The following CDH6 variants were observed in gnomAD, a reference collection of about 807,000 sequenced individuals.
CDH6 encodes the protein cadherin-6.
Under a neutral mutation model 78.0 loss-of-function variants are expected in CDH6, and 31 were observed. The ratio of observed to expected loss-of-function variants is 0.40; its 90% CI spans 0.30 to 0.54. The LOEUF (loss-of-function observed/expected upper bound fraction) is 0.54. CDH6 is among the 20% of genes least tolerant of loss of function. The pLI is 0.56. For synonymous variants in CDH6, 376 were observed against 368.8 expected (o/e 1.02, Z -0.23); for missense variants, 724 against 975.9 (o/e 0.74, Z 3.44).
rs1333659931 is a variant in CDH6, at chr5:31,326,902, G to A, written c.*3594G>A. The A allele has an allele frequency of 2.5e-5, 4 of 158,404 alleles. No individual in the cohort carries two copies. The highest frequency in any genetic ancestry group is 9.6e-5 in the African/African-American group (4 of 41,514). The allele number at this position is 158,404 out of a possible 1,614,324, so 9.8% of individuals were successfully genotyped here. A position where few individuals can be genotyped will look rare whatever the true frequency, so the allele number is the denominator to read the frequency against. Reference sequence around the variant, plus strand: ...GTGGAGACAGGGTTTCACCATGTTAGCCAGGATGATCTCCATCTCCTGACC... The same window carrying A: ...GTGGAGACAGGGTTTCACCATGTTAACCAGGATGATCTCCATCTCCTGACC... On this transcript the variant is annotated 3_prime_UTR_variant, in exon 12 of 12. Transcript: ENST00000265071.
rs73758997 is a variant in CDH6 at position 31,325,470 on chromosome 5, A to G, written c.*2162A>G. On this transcript the variant is annotated 3_prime_UTR_variant, in exon 12 of 12. Transcript: ENST00000265071. ...AGTTAGAAGCTACTTACTCATAGCA[A>G]TAGAACAGCACCTTAATCACACGAT... 5.7e-3 allele frequency: 1,319 copies of G among 231,696 alleles called. 31 individuals are homozygous for G. Among genetic ancestry groups the G allele is most frequent in the African/African-American group, 0.027 (1,222 of 45,378 alleles). 14.4% of individuals were successfully genotyped at this position (231,696 alleles called of 1,614,324 possible).
chr5:31,218,002 T>C (rs548053831), intron 1 of CDH6, among the ~76,000 whole-genome samples: 1 of 152,314 alleles, frequency 6.6e-6, no homozygotes, highest in Non-Finnish European at 1.5e-5. Flanking sequence ...GAAATAGAGA[T>C]GGCATTTGTT....
In CDH6 at chr5:31,322,840, T is replaced by C. The variant is rs1164278802; in HGVS notation, c.1905T>C (p.Ala635=). 8.7e-6 allele frequency: 14 copies of C among 1,613,752 alleles called. No homozygotes were observed. The highest frequency in any genetic ancestry group is 1.1e-5 in the Non-Finnish European group (13 of 1,179,836). The change falls in exon 12 of 12, where the codon GCT becomes GCC. Residue 635 remains alanine (A), a synonymous_variant. Coordinates refer to ENST00000265071, the MANE Select transcript of CDH6 (RefSeq NM_004932.4). ...CAGTGACAGTGGTGCTGTTTGCAGCTCTGAGGCGGCAGCGAAAAAAAGAGC... is the reference window on the plus strand; with the variant it reads ...CAGTGACAGTGGTGCTGTTTGCAGCCCTGAGGCGGCAGCGAAAAAAAGAGC... ...ILLVTVVLFA[A]LRRQRKKEPL... is the part of the protein sequence containing the mutation.
intron 11 of CDH6, among the ~76,000 whole-genome samples, chr5:31,321,097 T>G (rs1334007831): frequency 6.6e-6 from 1 of 152,174 alleles, no homozygotes; most frequent in African/African-American, 2.4e-5. Context: ...ACTTATCACC[T>G]TCTAACAATT....
chr5:31,273,403 C>A (rs1007145223), intron 2 of CDH6, among the ~76,000 whole-genome samples: 1 of 152,114 alleles, frequency 6.6e-6, no homozygotes, highest in African/African-American at 2.4e-5. Flanking sequence ...TTGTTCTAAA[C>A]CCTGTCCTAA....
chr5:31,265,780 T>TG (rs979364476), intron 1 of CDH6, among the ~76,000 whole-genome samples: 4 of 135,724 alleles, frequency 2.9e-5, no homozygotes, highest in South Asian at 5.2e-4. Flanking sequence ...TTTTTTTTTT[T>TG]TTTTTTTTTT....
In CDH6 at chr5:31,294,695, T is replaced by C. The variant is rs951600737; in HGVS notation, c.523+439T>C. On this transcript the variant is annotated intron_variant, in intron 3 of 11. Transcript: ENST00000265071. The surrounding 1 kb of genome is among the most constrained non-coding windows in gnomAD (Gnocchi z 4.1). ...ATAGTTGCTTTAAGTAACTAGTAAC[T>C]GTATATTTGGGAAGGAGATCAAAGA... Among the ~76,000 whole-genome samples the C allele has an allele frequency of 6.6e-6, 1 of 152,198 alleles. No homozygotes were observed. Among genetic ancestry groups the C allele is most frequent in the Non-Finnish European group, 1.5e-5 (1 of 68,032 alleles).
intron 6 of CDH6, among the ~76,000 whole-genome samples, chr5:31,302,943 G>T (rs1737855727): frequency 7.7e-6 from 1 of 130,230 alleles, no homozygotes; most frequent in African/African-American, 2.6e-5. Context: ...AAGAAAGAAA[G>T]AAAGAAAGAA....
rs755783914 is a variant in CDH6 at position 31,299,455 on chromosome 5, C to T, written c.644-9C>T. On this transcript the variant is annotated splice_polypyrimidine_tract_variant and intron_variant, in intron 4 of 11. Coordinates refer to ENST00000265071, the MANE Select transcript of CDH6 (RefSeq NM_004932.4). ...CATCCCTTTGCACTCTTAAATTTCACATCCACAGGTATTATCAAGACAGCT... is the reference window on the plus strand; with the variant it reads ...CATCCCTTTGCACTCTTAAATTTCATATCCACAGGTATTATCAAGACAGCT... 13 of 1,605,258 alleles carry T rather than the reference C, an allele frequency of 8.1e-6. No homozygotes were observed. The highest frequency in any genetic ancestry group is 7.7e-5 in the South Asian group (7 of 90,748).
At chr5:31,311,952 A>G (rs902286973) in intron 7 of CDH6, among the ~76,000 whole-genome samples, 1 of 152,124 alleles carries the variant, frequency 6.6e-6, no homozygotes, top group African/African-American at 2.4e-5. Context: ...CTCAAAATCC[A>G]CTAGTCTTCC....
At position 31,220,036 on chromosome 5, in the gene CDH6, A is replaced by G. The variant is rs565889821; in HGVS notation, c.-129+26150A>G. On this transcript the variant is annotated intron_variant, in intron 1 of 11. Transcript: ENST00000265071. ...GTCTTAAACCTCTCTTTTATTTTGC[A>G]TAGTTTAGTGTAATACATTTGTTAT... Among the ~76,000 whole-genome samples, 3 of 152,332 alleles carry G rather than the reference A, an allele frequency of 2.0e-5. No homozygotes were observed. The East Asian group carries it at 5.8e-4, about 29-fold the overall frequency.
chr5:31,323,720 GT>G lies in CDH6; in HGVS notation c.*413del, dbSNP rs1323807406. The stretch of plus-strand genomic sequence containing the variant: ...CTTTAAAGATAAAAATATCATCATA[GT>G]AAAAGAAATGAGGGCATATCGGCTC... On this transcript the variant is annotated 3_prime_UTR_variant, in exon 12 of 12. Transcript: ENST00000265071. The G allele has an allele frequency of 8.2e-6, 2 of 243,600 alleles. No homozygotes were observed. Among genetic ancestry groups the G allele is most frequent in the Non-Finnish European group, 1.6e-5 (2 of 123,270 alleles). 15.1% of individuals were successfully genotyped at this position (243,600 alleles called of 1,614,324 possible).
At chr5:31,314,843 G>A (rs752935807) in intron 8 of CDH6, among the ~76,000 whole-genome samples, 1 of 152,064 alleles carries the variant, frequency 6.6e-6, no homozygotes, top group Non-Finnish European at 1.5e-5. Flanking sequence ...AAGATTTAAT[G>A]TTTCTATGAC....
At chr5:31,319,016 T>TA in intron 11 of CDH6, 1 of 201,498 alleles carries the variant, frequency 5.0e-6, no homozygotes, top group African/African-American at 2.3e-5. Context: ...TGCACATAAA[T>TA]AAAAACTGAC....
intron 11 of CDH6, chr5:31,318,643 A>G (rs1259042838): frequency 4.4e-6 from 1 of 229,878 alleles, no homozygotes; most frequent in Non-Finnish European, 8.6e-6. Flanking sequence ...TCGAGCTCAG[A>G]TTTCTCAACA....
intron 2 of CDH6, among the ~76,000 whole-genome samples, chr5:31,278,233 A>T (rs1211004653): frequency 6.6e-6 from 1 of 152,232 alleles, no homozygotes; most frequent in Non-Finnish European, 1.5e-5. Flanking sequence ...GATAGTAAAC[A>T]TATAAACCAA....
chr5:31,285,379 T>A (rs1479938851), intron 2 of CDH6, among the ~76,000 whole-genome samples: 1 of 152,212 alleles, frequency 6.6e-6, no homozygotes, highest in Non-Finnish European at 1.5e-5. Context: ...ATTCCCTGAT[T>A]CAGTCTTCTC....
At chr5:31,292,356 C>T (rs546830944) in intron 2 of CDH6, among the ~76,000 whole-genome samples, 10 of 152,168 alleles carry the variant, frequency 6.6e-5, no homozygotes, top group Non-Finnish European at 8.8e-5. Flanking sequence ...AGAAAGAGGC[C>T]GTATATAAAG....
intron 6 of CDH6, among the ~76,000 whole-genome samples, chr5:31,302,852 GA>G (rs1737835416): frequency 2.4e-5 from 3 of 125,130 alleles, no homozygotes; most frequent in African/African-American, 9.2e-5. Flanking sequence ...AAGAAAGAAA[GA>G]GAAAGAAAGG....
Sources: gnomAD v4.1 joint callset for allele counts (sites outside exome capture counted in the v4.1 genomes callset) on GRCh38, gnomAD v4.1.1 for gene constraint, Gnocchi (gnomAD v3.1) non-coding constraint, MANE v1.5 for transcripts, NCBI Gene and HGNC (gene_info 2026-07-23, HGNC 2026-07-21) for gene names.